SH3RF2: variants seen among roughly 807,000 people sequenced by gnomAD.
SH3RF2 encodes the protein E3 ubiquitin-protein ligase SH3RF2.
Under a neutral mutation model 59.0 loss-of-function variants are expected in SH3RF2, and 43 were observed. The observed-to-expected ratio is 0.73, with a 90% CI of 0.57 to 0.94. The LOEUF (loss-of-function observed/expected upper bound fraction) is 0.94. SH3RF2 is among the 40% of genes least tolerant of loss of function. The pLI, the probability that SH3RF2 is intolerant of heterozygous loss-of-function variation, is 0.00. For missense variants in SH3RF2, 930 were observed against 940.1 expected (o/e 0.99, Z 0.14); for synonymous variants, 391 against 391.5 (o/e 1.00, Z 0.01).
At chr5:146,057,691 G>C (rs1325591366) in intron 8 of SH3RF2, among the ~76,000 whole-genome samples, 2 of 152,164 alleles carry the variant, frequency 1.3e-5, no homozygotes, top group South Asian at 4.1e-4. Flanking sequence ...TGTAACCCTA[G>C]CACTTTGGGA....
At chr5:146,022,770 A>T (rs56711168) in intron 5 of SH3RF2, among the ~76,000 whole-genome samples, 1 of 151,756 alleles carries the variant, frequency 6.6e-6, no homozygotes, top group Non-Finnish European at 1.5e-5. Context: ...CTACTTGGGA[A>T]GCTGAGGCAG....
chr5:145,942,974 T>C (rs1757874720), intron 2 of SH3RF2, among the ~76,000 whole-genome samples: 3 of 152,148 alleles, frequency 2.0e-5, no homozygotes, highest in Non-Finnish European at 4.4e-5. Context: ...TGATCCTCAG[T>C]TTCTAGACTT....
At chr5:145,947,894 A>C (rs1417307865) in intron 2 of SH3RF2, among the ~76,000 whole-genome samples, 1 of 152,222 alleles carries the variant, frequency 6.6e-6, no homozygotes, top group Non-Finnish European at 1.5e-5. Context: ...ATTACCAAAT[A>C]GCTTGTGGTC....
intron 3 of SH3RF2, among the ~76,000 whole-genome samples, chr5:146,002,463 GAAAGA>G (rs1760456950): frequency 8.4e-6 from 1 of 119,244 alleles, no homozygotes; most frequent in South Asian, 2.6e-4. Context: ...AATTAAAAAA[GAAAGA>G]AAAGGAAGGA....
chr5:146,009,770 C>T (rs1760799044), intron 4 of SH3RF2, among the ~76,000 whole-genome samples: 1 of 152,188 alleles, frequency 6.6e-6, no homozygotes, highest in Non-Finnish European at 1.5e-5. Context: ...TTTCACAATA[C>T]TATAAGCTTC....
chr5:146,061,589 T>C (rs1373443741), intron 9 of SH3RF2, among the ~76,000 whole-genome samples: 1 of 152,186 alleles, frequency 6.6e-6, no homozygotes, highest in African/African-American at 2.4e-5. Context: ...ACATCATTCC[T>C]GAGCAGTACC....
At chr5:146,015,491 C>A (rs1761070444) in intron 5 of SH3RF2, among the ~76,000 whole-genome samples, 1 of 152,108 alleles carries the variant, frequency 6.6e-6, no homozygotes, top group Non-Finnish European at 1.5e-5. Context: ...AAAATGGGAG[C>A]CTTGTGACTC....
chr5:146,069,981 T>G (rs1763197359), intron 9 of SH3RF2, among the ~76,000 whole-genome samples: 1 of 29,794 alleles, frequency 3.4e-5, no homozygotes. Context: ...TAATGGAAAC[T>G]GAAAAAAAAA....
chr5:146,060,759 C>T (rs144893289), intron 9 of SH3RF2, among the ~76,000 whole-genome samples: 52 of 152,294 alleles, frequency 3.4e-4, no homozygotes, highest in African/African-American at 1.1e-3. Context: ...TAAGTGACAT[C>T]GAGGTCACAC....
chr5:146,007,787 G>C (rs1187720068), intron 4 of SH3RF2, among the ~76,000 whole-genome samples: 2 of 152,164 alleles, frequency 1.3e-5, no homozygotes, highest in Admixed American at 1.3e-4. Flanking sequence ...TAATTGCTCA[G>C]AGGGGAAAAA....
At chr5:145,995,292 G>T (rs983683451) in intron 2 of SH3RF2, among the ~76,000 whole-genome samples, 1 of 152,158 alleles carries the variant, frequency 6.6e-6, no homozygotes, top group Non-Finnish European at 1.5e-5. Context: ...TCACCAGAAA[G>T]GCTAAAAATG....
chr5:145,950,991 G>C (rs560831986), intron 2 of SH3RF2, among the ~76,000 whole-genome samples: 2 of 152,270 alleles, frequency 1.3e-5, no homozygotes, highest in South Asian at 4.1e-4. Context: ...AATTCTCTGA[G>C]TCTCAATATT....
At chr5:146,010,269 A>G (rs1173238997) in intron 4 of SH3RF2, among the ~76,000 whole-genome samples, 1 of 152,238 alleles carries the variant, frequency 6.6e-6, no homozygotes, top group Non-Finnish European at 1.5e-5. Context: ...TTCTGAATCC[A>G]GTCTATCAGT....
chr5:146,062,501 A>G lies in SH3RF2; in HGVS notation c.1990A>G (p.Lys664Glu). Reference sequence around the variant, plus strand: ...TTACACCTCCCATCCCACCTCCGGAAAGCCTGAACAGCCAGCCACCCTCAA... The same window carrying G: ...TTACACCTCCCATCCCACCTCCGGAGAGCCTGAACAGCCAGCCACCCTCAA... Reference protein sequence around the residue: ...KHYTSHPTSGKPEQPATLKAS... With the variant: ...KHYTSHPTSGEPEQPATLKAS... The change falls in exon 10 of 10, where the codon AAG (lysine) becomes GAG (glutamate). Residue 664 changes from lysine to glutamate, a missense_variant. Physicochemically the swap from Lys to Glu is moderately conservative, Grantham distance 56. Coordinates refer to ENST00000359120, the MANE Select transcript of SH3RF2 (RefSeq NM_152550.4). The G allele has an allele frequency of 6.2e-7, 1 of 1,614,172 alleles. No individual in the cohort carries two copies. Among genetic ancestry groups the G allele is most frequent in the Non-Finnish European group, 8.5e-7 (1 of 1,180,040 alleles).
chr5:146,035,437 T>C (rs1310747801), intron 5 of SH3RF2, among the ~76,000 whole-genome samples: 1 of 146,562 alleles, frequency 6.8e-6, no homozygotes, highest in Non-Finnish European at 1.5e-5. Context: ...TTTTAAAAAA[T>C]TGACAAGTCC....
At position 146,018,163 on chromosome 5, in the gene SH3RF2, T is replaced by A. The variant is rs139590311; in HGVS notation, c.1059+4102T>A. On this transcript the variant is annotated intron_variant, in intron 5 of 9. Coordinates refer to ENST00000359120, the MANE Select transcript of SH3RF2 (RefSeq NM_152550.4). ...TTGGTTACATGGATGAATTGTATAG[T>A]GGTGAAGTCTGAGATTTTAATGTAC... Among the ~76,000 whole-genome samples the A allele has an allele frequency of 2.3e-3, 346 of 152,244 alleles. 2 individuals carry two copies. Among genetic ancestry groups the A allele is most frequent in the African/African-American group, 8.1e-3 (336 of 41,540 alleles).
At chr5:146,034,791 A>G (rs1761871988) in intron 5 of SH3RF2, among the ~76,000 whole-genome samples, 1 of 152,142 alleles carries the variant, frequency 6.6e-6, no homozygotes, top group Non-Finnish European at 1.5e-5. Context: ...TCCTTCATTT[A>G]TCGAGGGCAC....
chr5:145,938,330 T>C (rs779259914), intron 2 of SH3RF2, 24 bp downstream of exon 2: 4 of 1,508,812 alleles, frequency 2.7e-6, no homozygotes, highest in Non-Finnish European at 3.5e-6. Flanking sequence ...TATTTGCTAA[T>C]ATCATGTCCA....
chr5:145,970,083 A>G (rs988682407), intron 2 of SH3RF2, among the ~76,000 whole-genome samples: 8 of 152,098 alleles, frequency 5.3e-5, no homozygotes, highest in Non-Finnish European at 1.2e-4. Context: ...TTAGCTTTAC[A>G]TGTATTAACT....
Sources: allele counts gnomAD v4.1 joint callset (sites outside exome capture counted in the v4.1 genomes callset), GRCh38; gene constraint gnomAD v4.1.1; transcripts MANE v1.5; gene names NCBI Gene and HGNC (gene_info 2026-07-23, HGNC 2026-07-21).